ECE2: variants seen among roughly 807,000 people sequenced by gnomAD.
The protein encoded by ECE2 is endothelin converting enzyme 2.
A neutral mutation model predicts 100.6 loss-of-function variants in ECE2; 81 were observed. That is an observed-to-expected ratio of 0.81 (90% CI 0.67 to 0.97). The LOEUF is 0.97. Among genes scored for constraint, ECE2 ranks in the 50% least tolerant of loss-of-function variants. The pLI, the probability that ECE2 is intolerant of heterozygous loss-of-function variation, is 0.00. For missense variants in ECE2, 911 were observed against 988.1 expected (o/e 0.92, Z 1.05); for synonymous variants, 391 against 391.5 (o/e 1.00, Z 0.02).
intron 10 of ECE2, 73 bp from the exon 11 acceptor site, chr3:184,287,764 C>T: frequency 7.4e-7 from 1 of 1,347,150 alleles, no homozygotes; most frequent in Non-Finnish European, 1.1e-6. Context: ...CTGCTAGCCC[C>T]AGTGACAGAG....
At chr3:184,276,448 TG>T (rs1015051311) in intron 1 of ECE2, 32 bp from the exon 2 acceptor site, 12 of 1,588,206 alleles carry the variant, frequency 7.6e-6, no homozygotes, top group Non-Finnish European at 1.0e-5. Flanking sequence ...CCTCTCTGCC[TG>T]ACCTCGGTTG....
In ECE2 at chr3:184,276,428, G is replaced by C. The variant is rs1176190758; in HGVS notation, c.40-53G>C. 2.6e-6 allele frequency: 4 copies of C among 1,567,644 alleles called. No homozygotes were observed. The East Asian group carries it at 9.2e-5, about 36-fold the overall frequency. On this transcript the variant is annotated intron_variant, in intron 1 of 18. Coordinates refer to ENST00000404464, the MANE Select transcript of ECE2 (RefSeq NM_001100121.2). ...CAGGGAGCACTGGGGCAGGGTCGTG[G>C]GCAAATAGCCCTCTCTGCCTGACCT...
intron 8 of ECE2, 145 bp downstream of exon 8, chr3:184,284,118 GTCCT>G: frequency 9.7e-7 from 1 of 1,031,722 alleles, no homozygotes; most frequent in Non-Finnish European, 1.4e-6. Flanking sequence ...CACTGCTGCT[GTCCT>G]GGGGAAAAAA....
At chr3:184,277,553 C>A (rs1001817) in intron 4 of ECE2, 87 bp downstream of exon 4, 2 of 1,400,572 alleles carry the variant, frequency 1.4e-6, no homozygotes, top group East Asian at 2.3e-5. Flanking sequence ...AGGCAGTGTC[C>A]ATGAATGAGG....
At position 184,277,262 on chromosome 3, in the gene ECE2, A is replaced by G. The variant is rs1246635495; in HGVS notation, c.274A>G (p.Ser92Gly). 1.2e-6 allele frequency: 2 copies of G among 1,614,214 alleles called. No individual in the cohort carries two copies. The highest frequency in any genetic ancestry group is 8.5e-7 in the Non-Finnish European group (1 of 1,180,040). The change falls in exon 4 of 19, where the codon AGC (serine) becomes GGC (glycine). Residue 92 changes from serine (S) to glycine (G), a missense_variant. Transcript: ENST00000404464. ...GVQYHRDPSH[S>G]TCLTEACIRV... ...GTTCCCTACCACAGACCCATCCCAC[A>G]GCACCTGCCTTACAGAGGCCTGCAT...
Position 184,277,950 on chromosome 3 carries a change from T to A in ECE2, c.504T>A (p.Ser168Arg), listed in dbSNP as rs768442677. 6.2e-7 allele frequency: 1 copy of A among 1,612,734 alleles called. No homozygotes were observed. Among genetic ancestry groups the A allele is most frequent in the Non-Finnish European group, 8.5e-7 (1 of 1,179,962 alleles). ...AAAACACCACCTTCAACTCCAGCAG[T>A]GAAGCTGAGCAGAAGACACAGCGCT... ...LLENTTFNSS[S>R]EAEQKTQRFY... Residue 168 changes from serine (S) to arginine (R), a missense_variant, in exon 5 of 19, where the codon AGT becomes AGA. Transcript: ENST00000404464.
At chr3:184,287,148 C>T (rs1276659847) in intron 10 of ECE2, among the ~76,000 whole-genome samples, 3 of 151,486 alleles carry the variant, frequency 2.0e-5, no homozygotes, top group Non-Finnish European at 2.9e-5. Context: ...TGGTGGCGGG[C>T]GCCTTTAGTC....
Position 184,277,283 on chromosome 3 carries a change from T to G in ECE2, c.295T>G (p.Cys99Gly). 6.2e-7 allele frequency: 1 copy of G among 1,614,214 alleles called. No homozygotes were observed. Among genetic ancestry groups the G allele is most frequent in the Admixed American group, 1.7e-5 (1 of 60,026 alleles). Residue 99 changes from cysteine (C) to glycine (G), a missense_variant, in exon 4 of 19, where the codon TGC becomes GGC. Physicochemically the swap from Cys to Gly is radical, Grantham distance 159. Transcript: ENST00000404464. ...CCACAGCACCTGCCTTACAGAGGCC[T>G]GCATTCGAGTGGCTGGAAAAATCCT... Reference protein sequence around the residue: ...PSHSTCLTEACIRVAGKILES... With the variant: ...PSHSTCLTEAGIRVAGKILES...
intron 6 of ECE2, 73 bp downstream of exon 6, chr3:184,278,386 AG>A: frequency 6.3e-7 from 1 of 1,591,164 alleles, no homozygotes; most frequent in Non-Finnish European, 8.6e-7. Context: ...CTCCTGTGAC[AG>A]GCAGGCTGGG....
chr3:184,285,314 C>T (rs1049821933), intron 9 of ECE2, among the ~76,000 whole-genome samples, 164 bp from the exon 10 acceptor site: 1 of 152,236 alleles, frequency 6.6e-6, no homozygotes, highest in Non-Finnish European at 1.5e-5. Flanking sequence ...TCCAACCTGA[C>T]CTCTACAGGC....
intron 4 of ECE2, 128 bp from the exon 5 acceptor site, chr3:184,277,797 A>G: frequency 4.9e-6 from 7 of 1,425,942 alleles, no homozygotes; most frequent in Non-Finnish European, 6.6e-6. Context: ...TGTTTCAGAC[A>G]CTCTTCCTGG....
chr3:184,292,046 C>A lies in ECE2; in HGVS notation c.2122-16C>A. 1 of 1,603,770 alleles carries A rather than the reference C, an allele frequency of 6.2e-7. No individual in the cohort carries two copies. The highest frequency in any genetic ancestry group is 1.1e-5 in the South Asian group (1 of 90,246). On this transcript the variant is annotated splice_polypyrimidine_tract_variant and intron_variant, in intron 18 of 18. Coordinates refer to ENST00000404464, the MANE Select transcript of ECE2 (RefSeq NM_001100121.2). Reference sequence around the variant, plus strand: ...CACTAGACACCATATGCCCCCATGTCTGTCCTGGCCCGCAGGTGTGGTGCT... The same window carrying A: ...CACTAGACACCATATGCCCCCATGTATGTCCTGGCCCGCAGGTGTGGTGCT...
rs1302600515 is a variant in ECE2 at position 184,277,274 on chromosome 3, A to T, written c.286A>T (p.Thr96Ser). 2.5e-6 allele frequency: 4 copies of T among 1,613,982 alleles called. No homozygotes were observed. The highest frequency in any genetic ancestry group is 3.4e-6 in the Non-Finnish European group (4 of 1,179,996). ...AGACCCATCCCACAGCACCTGCCTT[A>T]CAGAGGCCTGCATTCGAGTGGCTGG... Reference protein sequence around the residue: ...HRDPSHSTCLTEACIRVAGKI... With the variant: ...HRDPSHSTCLSEACIRVAGKI... Residue 96 changes from threonine to serine, a missense_variant, in exon 4 of 19, where the codon ACA becomes TCA. Coordinates refer to ENST00000404464, the MANE Select transcript of ECE2 (RefSeq NM_001100121.2).
intron 14 of ECE2, 91 bp downstream of exon 14, chr3:184,290,449 T>C (rs1721259368): frequency 6.4e-7 from 1 of 1,559,254 alleles, no homozygotes; most frequent in South Asian, 1.1e-5. Context: ...GCAAGACTGG[T>C]CCCAGACCGG....
rs1720977263 is a variant in ECE2 at position 184,285,106 on chromosome 3, G to A, written c.1148+1G>A. The A allele has an allele frequency of 1.2e-6, 2 of 1,613,286 alleles. No individual in the cohort carries two copies. Among genetic ancestry groups the A allele is most frequent in the Non-Finnish European group, 1.7e-6 (2 of 1,179,644 alleles). ...AGCTCATCAACCGCACGGAACCAAG[G>A]TGTGGGGGTAGCCCAGGGTGAGGGT... On this transcript the variant is annotated splice_donor_variant, in intron 9 of 18. Transcript: ENST00000404464. LOFTEE classifies it high-confidence loss of function.
chr3:184,279,525 G>A (rs1335082492), intron 7 of ECE2, among the ~76,000 whole-genome samples: 1 of 151,398 alleles, frequency 6.6e-6, no homozygotes, highest in East Asian at 1.9e-4. Flanking sequence ...GCATGGTGGT[G>A]TGCACCTGTA....
At chr3:184,287,561 G>C (rs757350816) in intron 10 of ECE2, among the ~76,000 whole-genome samples, 10 of 152,160 alleles carry the variant, frequency 6.6e-5, no homozygotes, top group Non-Finnish European at 1.3e-4. Flanking sequence ...TGGGTGTGGT[G>C]GCATGTGCCT....
chr3:184,276,454 C>T lies in ECE2; in HGVS notation c.40-27C>T, dbSNP rs541284080. The T allele has an allele frequency of 2.0e-5, 32 of 1,594,008 alleles. 1 individual carries two copies. The highest frequency in any genetic ancestry group is 2.2e-4 in the Middle Eastern group (1 of 4,470). On this transcript the variant is annotated intron_variant, in intron 1 of 18. Transcript: ENST00000404464. ...GCAAATAGCCCTCTCTGCCTGACCT[C>T]GGTTGGCAACCCCGACTGTCTGGCA...
intron 14 of ECE2, 44 bp downstream of exon 14, chr3:184,290,402 AG>A (rs770814317): frequency 6.3e-7 from 1 of 1,588,090 alleles, no homozygotes; most frequent in Non-Finnish European, 8.6e-7. Flanking sequence ...GTGGCAGGAG[AG>A]GTGGGGGAAG....
Sources: gnomAD v4.1 joint callset for allele counts (sites outside exome capture counted in the v4.1 genomes callset) on GRCh38, gnomAD v4.1.1 for gene constraint, MANE v1.5 for transcripts, NCBI Gene and HGNC (gene_info 2026-07-23, HGNC 2026-07-21) for gene names.